Variants in KIAA1549L observed in about 807,000 individuals in gnomAD.
The protein encoded by KIAA1549L is UPF0606 protein KIAA1549L.
KIAA1549L carries 88 observed loss-of-function variants against 160.7 expected under a neutral mutation model. That is an observed-to-expected ratio of 0.55 (90% CI 0.46 to 0.65). KIAA1549L has a LOEUF of 0.65. Among genes scored for constraint, KIAA1549L ranks in the 30% least tolerant of loss-of-function variants. The pLI is 0.00. For synonymous variants in KIAA1549L, 950 were observed against 976.7 expected (o/e 0.97, Z 0.51); for missense variants, 2,258 against 2,437.5 (o/e 0.93, Z 1.55).
At chr11:33,441,079 C>T (rs1851493167) in intron 1 of KIAA1549L, among the ~76,000 whole-genome samples, 1 of 141,186 alleles carries the variant, frequency 7.1e-6, no homozygotes, top group Admixed American at 7.2e-5. Context: ...CCTCCCCCTA[C>T]CTCACAACAG....
intron 1 of KIAA1549L, among the ~76,000 whole-genome samples, chr11:33,378,502 T>G (rs1850001488): frequency 6.6e-6 from 1 of 152,200 alleles, no homozygotes; most frequent in Non-Finnish European, 1.5e-5. Flanking sequence ...TCTTTCTTTT[T>G]CCTTTCAGTG....
chr11:33,433,739 C>T lies in KIAA1549L; in HGVS notation c.238+56850C>T, dbSNP rs1001928459. On this transcript the variant is annotated intron_variant, in intron 1 of 20. Transcript: ENST00000658780. ...ATAAAGAAAATGTGGCACATATACA[C>T]CATGGAATACTATGCAGCCATAAAA... 2.6e-5 allele frequency among the ~76,000 whole-genome samples: 4 copies of T among 152,156 alleles called. No individual in the cohort carries two copies. The South Asian group carries it at 8.3e-4, about 32-fold the overall frequency.
chr11:33,667,914 G>A lies in KIAA1549L; in HGVS notation c.6201G>A (p.Arg2067=), dbSNP rs370815571. The change falls in exon 21 of 21, where the codon CGG becomes CGA. Residue 2067 remains arginine (R), a synonymous_variant. Coordinates refer to ENST00000658780, the MANE Select transcript of KIAA1549L (RefSeq NM_012194.3). ...PGYIEAYPRS[R]YPQSSPSRLP... ...ACATCGAGGCCTACCCCCGATCACG[G>A]TACCCCCAGAGCTCTCCCTCCAGGC... 30 of 1,613,324 alleles carry A rather than the reference G, an allele frequency of 1.9e-5. No homozygotes were observed. In the Middle Eastern group the frequency reaches 4.9e-4, roughly 27 times the overall value.
chr11:33,505,569 C>T (rs911646455), intron 1 of KIAA1549L, among the ~76,000 whole-genome samples: 14 of 152,182 alleles, frequency 9.2e-5, no homozygotes, highest in Non-Finnish European at 1.8e-4. Context: ...CCCCATTTCC[C>T]TCTTACTATC....
chr11:33,435,087 T>C (rs1851326679), intron 1 of KIAA1549L, among the ~76,000 whole-genome samples: 1 of 152,236 alleles, frequency 6.6e-6, no homozygotes, highest in Non-Finnish European at 1.5e-5. Context: ...CTGTGCCATT[T>C]CTGGAAATTA....
intron 18 of KIAA1549L, among the ~76,000 whole-genome samples, chr11:33,657,572 G>A (rs549282316): frequency 3.9e-5 from 6 of 152,086 alleles, no homozygotes; most frequent in Non-Finnish European, 8.8e-5. Context: ...TGAGGCGGGT[G>A]GATCATTTGA....
At chr11:33,413,462 G>T (rs556549735) in intron 1 of KIAA1549L, among the ~76,000 whole-genome samples, 1 of 150,228 alleles carries the variant, frequency 6.7e-6, no homozygotes, top group East Asian at 2.0e-4. Flanking sequence ...AAAGCAATAC[G>T]TCTTAACATT....
rs570565881 is a variant in KIAA1549L, at chr11:33,525,264, G to A, written c.239-16538G>A. ...GTGAGCTCCCAGAGTGTGAGAGGGGGAAAAGTTGGTCTCTGACACACATCC... is the reference window on the plus strand; with the variant it reads ...GTGAGCTCCCAGAGTGTGAGAGGGGAAAAAGTTGGTCTCTGACACACATCC... On this transcript the variant is annotated intron_variant, in intron 1 of 20. Transcript: ENST00000658780. Among the ~76,000 whole-genome samples the A allele has an allele frequency of 3.3e-5, 5 of 152,336 alleles. No homozygotes were observed. In the East Asian group the frequency reaches 7.7e-4, roughly 24 times the overall value.
chr11:33,536,689 T>C (rs563938994), intron 1 of KIAA1549L, among the ~76,000 whole-genome samples: 1 of 152,240 alleles, frequency 6.6e-6, no homozygotes, highest in East Asian at 1.9e-4. Context: ...GAGAAAAAAC[T>C]CAAAACATTG....
chr11:33,552,042 A>G, intron 5 of KIAA1549L, 66 bp from the exon 6 acceptor site: 1 of 1,565,554 alleles, frequency 6.4e-7, no homozygotes, highest in African/African-American at 1.4e-5. Context: ...TATTATGACC[A>G]CTGTTAAATC....
At chr11:33,618,684 TA>T in intron 16 of KIAA1549L, 22 bp downstream of exon 16, 1 of 1,542,428 alleles carries the variant, frequency 6.5e-7, no homozygotes, top group Non-Finnish European at 8.8e-7. Context: ...GTGGGCTGGG[TA>T]AATACAAGCT....
At position 33,544,917 on chromosome 11, in the gene KIAA1549L, G is replaced by T. The variant is rs1854185601; in HGVS notation, c.2924G>T (p.Ser975Ile). 1 of 1,613,286 alleles carries T rather than the reference G, an allele frequency of 6.2e-7. No homozygotes were observed. Among genetic ancestry groups the T allele is most frequent in the Admixed American group, 1.7e-5 (1 of 59,886 alleles). The change falls in exon 3 of 21, where the codon AGC becomes ATC. Residue 975 changes from serine (S) to isoleucine (I), a missense_variant. Transcript: ENST00000658780. Reference sequence around the variant, plus strand: ...GCCGTGGCCTCAGGACCAGCTAAGAGCAGTTCGATGACTACTCTTGCTAAA... The same window carrying T: ...GCCGTGGCCTCAGGACCAGCTAAGATCAGTTCGATGACTACTCTTGCTAAA... The part of the protein sequence containing the change: ...PLAVASGPAK[S>I]SSMTTLAKNV...
chr11:33,483,730 T>C (rs1316712469), intron 1 of KIAA1549L, among the ~76,000 whole-genome samples: 1 of 152,166 alleles, frequency 6.6e-6, no homozygotes, highest in Non-Finnish European at 1.5e-5. Flanking sequence ...TGAGCTCTGA[T>C]GGTTTTATAA....
Position 33,660,960 on chromosome 11 carries a change from G to A in KIAA1549L, c.6105G>A (p.Gln2035=). The change falls in exon 20 of 21, where the codon CAG becomes CAA. Residue 2035 remains glutamine, a synonymous_variant. Transcript: ENST00000658780. ...IPTPPSSYRN[Q]AWMSYAGENE... The stretch of plus-strand genomic sequence containing the variant: ...CGCCTCCCTCATCCTATAGGAACCA[G>A]GCCTGGATGTCCTATGCAGGAGAGA... 6.2e-7 allele frequency: 1 copy of A among 1,612,932 alleles called. No individual in the cohort carries two copies. The highest frequency in any genetic ancestry group is 2.2e-5 in the East Asian group (1 of 44,840).
At chr11:33,384,222 TTGTAC>T (rs1850128520) in intron 1 of KIAA1549L, among the ~76,000 whole-genome samples, 2 of 152,368 alleles carry the variant, frequency 1.3e-5, no homozygotes, top group Admixed American at 1.3e-4. Context: ...AGAAATGGAA[TTGTAC>T]TGTATATAAC....
At chr11:33,612,650 G>T (rs1310734610) in intron 15 of KIAA1549L, among the ~76,000 whole-genome samples, 3 of 147,450 alleles carry the variant, frequency 2.0e-5, no homozygotes, top group Admixed American at 6.8e-5. Context: ...GTGCAGGTTT[G>T]TTATATCGAT....
chr11:33,628,161 A>G (rs961890560), intron 16 of KIAA1549L, among the ~76,000 whole-genome samples: 7 of 151,432 alleles, frequency 4.6e-5, no homozygotes, highest in Non-Finnish European at 1.0e-4. Context: ...AGTTTGTTAT[A>G]ATTTCTGTTC....
intron 1 of KIAA1549L, among the ~76,000 whole-genome samples, chr11:33,415,622 C>T (rs1012618457): frequency 1.3e-5 from 2 of 152,090 alleles, no homozygotes; most frequent in African/African-American, 4.8e-5. Flanking sequence ...CCTGTGTCCT[C>T]TTCTTGGTCT....
rs145671908 is a variant in KIAA1549L at position 33,509,834 on chromosome 11, A to G, written c.239-31968A>G. On this transcript the variant is annotated intron_variant, in intron 1 of 20. Coordinates refer to ENST00000658780, the MANE Select transcript of KIAA1549L (RefSeq NM_012194.3). ...GGCTGCCCTCAATAATGTCCCTCTC[A>G]TCATCCCCAGAAACTGAAGGCGAGT... Among the ~76,000 whole-genome samples the G allele has an allele frequency of 6.6e-5, 10 of 152,172 alleles. 1 individual carries two copies. The highest frequency in any genetic ancestry group is 5.2e-4 in the Admixed American group (8 of 15,264).
Sources: gnomAD v4.1 joint callset for allele counts (sites outside exome capture counted in the v4.1 genomes callset) on GRCh38, gnomAD v4.1.1 for gene constraint, MANE v1.5 for transcripts, NCBI Gene and HGNC (gene_info 2026-07-23, HGNC 2026-07-21) for gene names.